Variants in ROBO2 observed in about 807,000 individuals in gnomAD.
The protein encoded by ROBO2 is roundabout homolog 2.
ROBO2 carries 53 observed loss-of-function variants against 160.8 expected under a neutral mutation model. That is an observed-to-expected ratio of 0.33 (90% CI 0.26 to 0.41). ROBO2 has a LOEUF of 0.41. ROBO2 is among the 10% of genes least tolerant of loss of function. ROBO2 has a pLI of 1.00. For missense variants in ROBO2, 1,577 were observed against 1,722.4 expected, an observed-to-expected ratio of 0.92 and a Z score of 1.49; for synonymous variants, 664 against 611.7, an observed-to-expected ratio of 1.09 and a Z score of -1.26.
At chr3:76,976,811 TC>T (rs1193036659) in intron 2 of ROBO2, among the ~76,000 whole-genome samples, 6 of 152,208 alleles carry the variant, frequency 3.9e-5, no homozygotes, top group Non-Finnish European at 2.9e-5. Context: ...GAATTTTATA[TC>T]AGGCAATGCA....
rs367552326 is a variant in ROBO2, at chr3:77,112,151, C to T, written c.388+13811C>T. 2.1e-3 allele frequency among the ~76,000 whole-genome samples: 302 copies of T among 146,468 alleles called. 2 individuals are homozygous for T. Among genetic ancestry groups the T allele is most frequent in the African/African-American group, 7.3e-3 (289 of 39,852 alleles). ...AGGTTGCAGTGAGCCGAGATCGCGC[C>T]GCCGTCGCATTCCAGCCTGGGTGAC... On this transcript the variant is annotated intron_variant, in intron 2 of 25. Coordinates refer to ENST00000461745, the Ensembl canonical transcript of ROBO2.
In ROBO2 at chr3:76,963,000, A is replaced by G. The variant is rs138058915; in HGVS notation, c.110-135014A>G. 2.6e-3 allele frequency among the ~76,000 whole-genome samples: 397 copies of G among 152,268 alleles called. 1 individual carries two copies. Among genetic ancestry groups the G allele is most frequent in the African/African-American group, 8.8e-3 (367 of 41,548 alleles). ...AATCTAGTAGGAATTACTGTTACAA[A>G]CCTAGTTCCTAGCGTCGTGTCTAAC... On this transcript the variant is annotated intron_variant, in intron 2 of 26. Coordinates refer to the ROBO2 transcript ENST00000487694.
At chr3:77,499,441 A>G (rs2087228085) in intron 5 of ROBO2, among the ~76,000 whole-genome samples, 1 of 152,174 alleles carries the variant, frequency 6.6e-6, no homozygotes, top group African/African-American at 2.4e-5. Context: ...TAAACATTGT[A>G]CAATGGATGC....
rs755603547 is a variant in ROBO2, at chr3:77,622,301, C to G, written c.3629C>G (p.Ser1210Cys). 3.1e-6 allele frequency: 5 copies of G among 1,614,158 alleles called. No homozygotes were observed. Among genetic ancestry groups the G allele is most frequent in the South Asian group, 2.2e-5 (2 of 91,080 alleles). ...GGTTATGTGTCTGGAGCCTTGATTT[C>G]TGATTTGGAAACGGATGTTGCAGAT... Residue 1210 changes from serine to cysteine, a missense_variant, in exon 23 of 26, where the codon TCT (serine) becomes TGT (cysteine). Coordinates refer to ENST00000461745, the Ensembl canonical transcript of ROBO2.
At chr3:76,021,286 CT>C (rs2066567685) in intron 2 of ROBO2, among the ~76,000 whole-genome samples, 2 of 151,872 alleles carry the variant, frequency 1.3e-5, no homozygotes, top group South Asian at 2.1e-4. Flanking sequence ...CTTTTGTCTC[CT>C]TACTTGTTTA....
At chr3:76,675,219 C>A (rs1258950042) in intron 2 of ROBO2, among the ~76,000 whole-genome samples, 1 of 152,136 alleles carries the variant, frequency 6.6e-6, no homozygotes, top group Non-Finnish European at 1.5e-5. Flanking sequence ...GGACAATTTT[C>A]CTGAAGGATA....
At chr3:77,513,956 C>A (rs138220678) in intron 5 of ROBO2, among the ~76,000 whole-genome samples, 1 of 151,918 alleles carries the variant, frequency 6.6e-6, no homozygotes, top group Non-Finnish European at 1.5e-5. Flanking sequence ...GCAACAATGA[C>A]TGCATTTATT....
chr3:76,605,749 G>C (rs1490184420), intron 2 of ROBO2, among the ~76,000 whole-genome samples: 1 of 152,148 alleles, frequency 6.6e-6, no homozygotes. Flanking sequence ...ACATCTGGTA[G>C]TTATGCTCAA....
chr3:77,224,989 T>G (rs188552722), intron 2 of ROBO2, among the ~76,000 whole-genome samples: 1 of 151,858 alleles, frequency 6.6e-6, no homozygotes, highest in South Asian at 2.1e-4. Flanking sequence ...ATTATATGAT[T>G]TTTTTACTTT....
intron 2 of ROBO2, among the ~76,000 whole-genome samples, chr3:76,424,487 T>C (rs576819664): frequency 6.6e-6 from 1 of 152,156 alleles, no homozygotes; most frequent in Non-Finnish European, 1.5e-5. Flanking sequence ...AGTAGAAGGG[T>C]TGCTGCCAGG....
At chr3:76,057,492 G>A (rs1309264856) in intron 2 of ROBO2, among the ~76,000 whole-genome samples, 1 of 152,104 alleles carries the variant, frequency 6.6e-6, no homozygotes, top group Non-Finnish European at 1.5e-5. Flanking sequence ...TGATAAATAA[G>A]TCAGTTTTGG....
intron 1 of ROBO2, among the ~76,000 whole-genome samples, chr3:77,066,118 C>T (rs1221763983): frequency 8.6e-5 from 13 of 151,096 alleles, no homozygotes; most frequent in Admixed American, 6.6e-4. Flanking sequence ...ATTTGGTGAT[C>T]GATAACAGCA....
rs574880079 is a variant in ROBO2, at chr3:77,440,813, A to G, written c.389-36601A>G. 5.9e-5 allele frequency among the ~76,000 whole-genome samples: 9 copies of G among 152,250 alleles called. No individual in the cohort carries two copies. In the East Asian group the frequency reaches 1.7e-3, roughly 29 times the overall value. ...GCTACATTCTTTTTCCATTTACACC[A>G]TTGAGAATTGACCTGGTTGTGGAAG... On this transcript the variant is annotated intron_variant, in intron 2 of 25. Coordinates refer to ENST00000461745, the Ensembl canonical transcript of ROBO2.
chr3:77,450,921 T>C (rs947156993), intron 2 of ROBO2, among the ~76,000 whole-genome samples: 2 of 148,446 alleles, frequency 1.3e-5, no homozygotes, highest in African/African-American at 5.3e-5. Context: ...TATGAAAGAA[T>C]TGCACATTTC....
chr3:76,384,964 T>G (rs142096048), intron 2 of ROBO2, among the ~76,000 whole-genome samples: 1 of 152,314 alleles, frequency 6.6e-6, no homozygotes, highest in Non-Finnish European at 1.5e-5. Flanking sequence ...AGTTCTATAT[T>G]ATTTTGTCCG....
At chr3:77,153,071 G>T (rs1276000464) in intron 2 of ROBO2, among the ~76,000 whole-genome samples, 1 of 152,086 alleles carries the variant, frequency 6.6e-6, no homozygotes, top group African/African-American at 2.4e-5. Context: ...ACATTGATCT[G>T]TAGTCTTTAT....
At chr3:77,519,191 C>A (rs1281145752) in intron 5 of ROBO2, among the ~76,000 whole-genome samples, 1 of 151,282 alleles carries the variant, frequency 6.6e-6, no homozygotes, top group Admixed American at 6.6e-5. Flanking sequence ...CCCTGATCAA[C>A]GTACCATTAA....
intron 2 of ROBO2, among the ~76,000 whole-genome samples, chr3:77,433,302 T>C (rs1220556246): frequency 6.6e-6 from 1 of 151,760 alleles, no homozygotes; most frequent in Non-Finnish European, 1.5e-5. Context: ...ATTTATTAGC[T>C]AGGAGAGTTA....
chr3:76,979,102 C>A (rs935237697), intron 2 of ROBO2, among the ~76,000 whole-genome samples: 1 of 152,020 alleles, frequency 6.6e-6, no homozygotes, highest in African/African-American at 2.4e-5. Flanking sequence ...AGCACCACAC[C>A]TGGATATTTT....
Sources: gnomAD v4.1 joint callset for allele counts (sites outside exome capture counted in the v4.1 genomes callset) on GRCh38, gnomAD v4.1.1 for gene constraint, MANE v1.5 for transcripts, NCBI Gene and HGNC (gene_info 2026-07-23, HGNC 2026-07-21) for gene names.